RNF111: variants seen among roughly 807,000 people sequenced by gnomAD.
RNF111 encodes E3 ubiquitin-protein ligase Arkadia.
In RNF111, 17 loss-of-function variants were observed where a neutral mutation model predicts 95.1. That is an observed-to-expected ratio of 0.18 (90% confidence interval 0.12 to 0.27). The LOEUF (loss-of-function observed/expected upper bound fraction) is 0.27, where lower values mean the gene tolerates loss of function less well. Ranked by LOEUF, RNF111 falls within the 10% of genes least tolerant of loss-of-function variation. The pLI is 1.00. For missense variants in RNF111, 1,189 were observed against 1,210.4 expected (o/e 0.98, Z 0.26); for synonymous variants, 440 against 414.8 (o/e 1.06, Z -0.74).
chr15:59,046,106 A>T (rs2041695118), intron 2 of RNF111, among the ~76,000 whole-genome samples: 1 of 152,136 alleles, frequency 6.6e-6, no homozygotes, highest in Non-Finnish European at 1.5e-5. Flanking sequence ...ATTATTAAGT[A>T]ATTTTTAAAA....
chr15:58,998,956 C>T (rs1472753190), intron 1 of RNF111, among the ~76,000 whole-genome samples: 2 of 152,150 alleles, frequency 1.3e-5, no homozygotes, highest in African/African-American at 4.8e-5. Context: ...AGTGCAGTAT[C>T]GAGCAGTTGT....
At chr15:59,037,669 T>G (rs1177513382) in intron 2 of RNF111, among the ~76,000 whole-genome samples, 4 of 152,136 alleles carry the variant, frequency 2.6e-5, no homozygotes, top group Non-Finnish European at 5.9e-5. Flanking sequence ...AAACCCCGTC[T>G]CTACTAAAAA....
intron 5 of RNF111, among the ~76,000 whole-genome samples, chr15:59,062,925 C>G (rs1392052277): frequency 6.6e-6 from 1 of 152,184 alleles, no homozygotes; most frequent in Non-Finnish European, 1.5e-5. Context: ...TTTGTAGCCT[C>G]TAAATTCCAG....
chr15:59,040,739 A>G (rs2041408990), intron 2 of RNF111, among the ~76,000 whole-genome samples: 1 of 152,230 alleles, frequency 6.6e-6, no homozygotes, highest in Non-Finnish European at 1.5e-5. Flanking sequence ...AGTAATTCTA[A>G]TTAATACAGT....
At chr15:58,989,346 C>G (rs961292032) in intron 1 of RNF111, among the ~76,000 whole-genome samples, 3 of 152,178 alleles carry the variant, frequency 2.0e-5, no homozygotes, top group Non-Finnish European at 4.4e-5. Context: ...TGGACACTTT[C>G]TTGCCATTTA....
intron 1 of RNF111, among the ~76,000 whole-genome samples, chr15:59,007,499 G>A (rs141393458): frequency 1.5e-3 from 221 of 152,042 alleles, no homozygotes; most frequent in African/African-American, 5.2e-3. Flanking sequence ...TCTAATTTTT[G>A]GCTATTATGA....
intron 2 of RNF111, among the ~76,000 whole-genome samples, chr15:59,038,345 T>A (rs1246508469): frequency 6.6e-6 from 1 of 152,212 alleles, no homozygotes; most frequent in African/African-American, 2.4e-5. Flanking sequence ...CCATGTGTAG[T>A]CCATACTGTA....
chr15:59,011,176 C>T (rs1210856133), intron 1 of RNF111, among the ~76,000 whole-genome samples: 1 of 152,172 alleles, frequency 6.6e-6, no homozygotes, highest in Non-Finnish European at 1.5e-5. Context: ...AATTGGGTCT[C>T]TGTTCTTCGA....
chr15:59,015,760 T>C (rs981555821), intron 1 of RNF111, among the ~76,000 whole-genome samples: 5 of 152,332 alleles, frequency 3.3e-5, no homozygotes, highest in Admixed American at 2.0e-4. Flanking sequence ...TTGACTTGGA[T>C]GTGACTTTCT....
At chr15:58,989,762 A>G (rs1208090599) in intron 1 of RNF111, among the ~76,000 whole-genome samples, 6 of 152,378 alleles carry the variant, frequency 3.9e-5, no homozygotes, top group African/African-American at 1.2e-4. Context: ...CCTTGCTTGT[A>G]TAAAGCTAAG....
intron 1 of RNF111, among the ~76,000 whole-genome samples, chr15:58,993,936 A>G (rs1238931010): frequency 1.3e-5 from 2 of 152,108 alleles, no homozygotes; most frequent in Non-Finnish European, 2.9e-5. Context: ...GTCTGAATCA[A>G]TGTTGTAGTC....
chr15:59,058,587 A>G (rs368635583), intron 5 of RNF111, 37 bp downstream of exon 5: 1 of 1,561,592 alleles, frequency 6.4e-7, no homozygotes, highest in Non-Finnish European at 8.8e-7. Context: ...ACTTTTTGTC[A>G]TTACTTTCGT....
intron 10 of RNF111, among the ~76,000 whole-genome samples, chr15:59,088,876 T>C (rs1448670241): frequency 6.6e-6 from 1 of 152,166 alleles, no homozygotes; most frequent in Non-Finnish European, 1.5e-5. Flanking sequence ...ATGACAGCCT[T>C]CTTTGCTTAG....
chr15:58,996,796 A>G (rs999819236), intron 1 of RNF111, among the ~76,000 whole-genome samples: 1 of 151,198 alleles, frequency 6.6e-6, no homozygotes, highest in Middle Eastern at 3.2e-3. Flanking sequence ...TCAAAGTAAT[A>G]TTTTGAATAT....
intron 6 of RNF111, among the ~76,000 whole-genome samples, chr15:59,074,088 A>G (rs766649439): frequency 4.6e-5 from 7 of 152,226 alleles, no homozygotes; most frequent in Non-Finnish European, 7.3e-5. Flanking sequence ...GGGTCTCAAC[A>G]GTATTCTTAA....
chr15:59,014,024 T>G (rs1406293308), intron 1 of RNF111, among the ~76,000 whole-genome samples: 1 of 152,160 alleles, frequency 6.6e-6, no homozygotes, highest in African/African-American at 2.4e-5. Context: ...CTCCTGAGCT[T>G]AGGCAATCCG....
At position 59,085,823 on chromosome 15, in the gene RNF111, A is replaced by C; in HGVS notation, c.2550+38A>C. 1.3e-6 allele frequency: 2 copies of C among 1,580,612 alleles called. 1 individual carries two copies. The highest frequency in any genetic ancestry group is 3.4e-5 in the Admixed American group (2 of 58,158). ...ATTTTCAAAATTTTGACATGTTCTAAAAGTTCCTTTTCTAAGTATTTTATT... is the reference window on the plus strand; with the variant it reads ...ATTTTCAAAATTTTGACATGTTCTACAAGTTCCTTTTCTAAGTATTTTATT... On this transcript the variant is annotated intron_variant, in intron 10 of 13. Coordinates refer to ENST00000348370, the MANE Select transcript of RNF111 (RefSeq NM_017610.8).
intron 1 of RNF111, among the ~76,000 whole-genome samples, chr15:59,003,072 A>G (rs1361003070): frequency 1.3e-5 from 2 of 152,188 alleles, no homozygotes; most frequent in East Asian, 1.9e-4. Flanking sequence ...AGCTTACTGC[A>G]GCCTTGAACT....
chr15:59,063,354 T>A (rs542584132), intron 5 of RNF111, among the ~76,000 whole-genome samples: 1 of 152,246 alleles, frequency 6.6e-6, no homozygotes, highest in South Asian at 2.1e-4. Context: ...CTTTATTATG[T>A]GTAAGACTGT....
Sources: allele counts gnomAD v4.1 joint callset (sites outside exome capture counted in the v4.1 genomes callset), GRCh38; gene constraint gnomAD v4.1.1; transcripts MANE v1.5; gene names NCBI Gene and HGNC (gene_info 2026-07-23, HGNC 2026-07-21).